NELL1: variants seen among roughly 807,000 people sequenced by gnomAD.
NELL1 encodes the protein neural EGFL like 1.
Under a neutral mutation model 107.4 loss-of-function variants are expected in NELL1, and 76 were observed. The ratio of observed to expected loss-of-function variants is 0.71; its 90% CI spans 0.59 to 0.86. The LOEUF is 0.86. NELL1 is among the 40% of genes least tolerant of loss of function. The probability of loss-of-function intolerance (pLI) is 0.00; values close to 1 mark genes in which losing one functional copy is unlikely to be tolerated. For missense variants in NELL1, 1,024 were observed against 1,005.5 expected (o/e 1.02, Z -0.25); for synonymous variants, 353 against 341.2 (o/e 1.03, Z -0.38).
intron 2 of NELL1, among the ~76,000 whole-genome samples, chr11:20,742,137 A>G (rs1168370055): frequency 6.6e-6 from 1 of 152,192 alleles, no homozygotes; most frequent in Non-Finnish European, 1.5e-5. Context: ...CTTTGCAGTA[A>G]GAAGGGCTTC....
chr11:20,703,606 T>C (rs1274248389), intron 2 of NELL1, among the ~76,000 whole-genome samples: 2 of 152,200 alleles, frequency 1.3e-5, no homozygotes, highest in Non-Finnish European at 2.9e-5. Flanking sequence ...AGGGTGTCAA[T>C]TTTAGATCTT....
chr11:20,765,381 T>C (rs1237571252), intron 2 of NELL1, among the ~76,000 whole-genome samples: 1 of 152,186 alleles, frequency 6.6e-6, no homozygotes, highest in Non-Finnish European at 1.5e-5. Context: ...CAGTACCTGC[T>C]CTTTGTGCTA....
intron 3 of NELL1, among the ~76,000 whole-genome samples, chr11:20,836,242 A>G (rs1354294709): frequency 6.6e-6 from 1 of 151,266 alleles, no homozygotes; most frequent in African/African-American, 2.4e-5. Flanking sequence ...ATGATATACC[A>G]TTACACACCA....
intron 13 of NELL1, among the ~76,000 whole-genome samples, chr11:21,221,085 T>A (rs1182193340): frequency 6.6e-6 from 1 of 152,198 alleles, no homozygotes; most frequent in Non-Finnish European, 1.5e-5. Context: ...TGAAGTGATG[T>A]TGAATTTTAC....
At chr11:21,555,477 G>T (rs1856683393) in intron 16 of NELL1, among the ~76,000 whole-genome samples, 1 of 151,766 alleles carries the variant, frequency 6.6e-6, no homozygotes, top group South Asian at 2.1e-4. Flanking sequence ...ATAAAATCTG[G>T]ATCAAGGAAA....
intron 15 of NELL1, among the ~76,000 whole-genome samples, chr11:21,461,135 A>G (rs1220820550): frequency 6.6e-6 from 1 of 152,062 alleles, no homozygotes; most frequent in Non-Finnish European, 1.5e-5. Context: ...ATTGATAACA[A>G]TCACTTATGA....
intron 14 of NELL1, among the ~76,000 whole-genome samples, chr11:21,357,857 C>T (rs1235187207): frequency 6.6e-6 from 1 of 152,136 alleles, no homozygotes; most frequent in Non-Finnish European, 1.5e-5. Flanking sequence ...TTATTCTTCT[C>T]CACATGGCCT....
intron 15 of NELL1, among the ~76,000 whole-genome samples, chr11:21,464,469 G>A (rs1284803097): frequency 6.6e-6 from 1 of 150,828 alleles, no homozygotes; most frequent in East Asian, 2.0e-4. Flanking sequence ...GGAAATAACA[G>A]TCTGTAGTTA....
Position 21,314,007 on chromosome 11 carries a change from C to G in NELL1, c.1550-56846C>G, listed in dbSNP as rs12785285. Among the ~76,000 whole-genome samples, 37 of 75,834 alleles carry G rather than the reference C, an allele frequency of 4.9e-4. 2 individuals carry two copies. The highest frequency in any genetic ancestry group is 2.3e-3 in the Admixed American group (17 of 7,286). 49.8% of individuals were successfully genotyped at this position (75,834 alleles called of 152,430 possible). On this transcript the variant is annotated intron_variant, in intron 14 of 19. Coordinates refer to ENST00000357134, the MANE Select transcript of NELL1 (RefSeq NM_006157.5). ...CCTACACTCTGCCCCCCCCCCCCCCCCCGCGACCCCCACTTGCTCCTGCTT... is the reference window on the plus strand; with the variant it reads ...CCTACACTCTGCCCCCCCCCCCCCCGCCGCGACCCCCACTTGCTCCTGCTT...
At chr11:21,087,957 G>T (rs1854433393) in intron 12 of NELL1, among the ~76,000 whole-genome samples, 2 of 152,086 alleles carry the variant, frequency 1.3e-5, no homozygotes, top group South Asian at 2.1e-4. Flanking sequence ...GCTAATCCCT[G>T]TCATAGTGCA....
chr11:21,080,332 T>C (rs577564779), intron 12 of NELL1, among the ~76,000 whole-genome samples: 238 of 152,206 alleles, frequency 1.6e-3, no homozygotes, highest in African/African-American at 5.4e-3. Context: ...AAATAATTAC[T>C]TTTCTTGTTT....
At chr11:21,371,753 C>T (rs1851362050) in intron 15 of NELL1, among the ~76,000 whole-genome samples, 1 of 152,178 alleles carries the variant, frequency 6.6e-6, no homozygotes, top group South Asian at 2.1e-4. Context: ...CTTTTCATAT[C>T]ATAGCACAGA....
intron 15 of NELL1, among the ~76,000 whole-genome samples, chr11:21,479,991 CT>C (rs1373091027): frequency 6.6e-6 from 1 of 152,088 alleles, no homozygotes; most frequent in East Asian, 1.9e-4. Context: ...CTCTACTTTC[CT>C]TTCCCTGACT....
chr11:20,761,917 G>A (rs1006956824), intron 2 of NELL1, among the ~76,000 whole-genome samples: 2 of 152,162 alleles, frequency 1.3e-5, no homozygotes, highest in South Asian at 2.1e-4. Context: ...AAAGACATAC[G>A]AGAGTCTGAA....
intron 5 of NELL1, 149 bp downstream of exon 5, chr11:20,885,689 A>G: frequency 1.7e-6 from 1 of 601,540 alleles, no homozygotes; most frequent in South Asian, 1.9e-5. Context: ...ACTTTGTGAC[A>G]CATGCTTTTT....
intron 12 of NELL1, among the ~76,000 whole-genome samples, chr11:21,101,021 G>A (rs1854794863): frequency 7.0e-6 from 1 of 143,422 alleles, no homozygotes; most frequent in Admixed American, 7.2e-5. Context: ...CCCAGTGTGC[G>A]ATGTTCCCCT....
chr11:21,430,533 C>T (rs1466591354), intron 15 of NELL1, among the ~76,000 whole-genome samples: 1 of 152,130 alleles, frequency 6.6e-6, no homozygotes, highest in African/African-American at 2.4e-5. Flanking sequence ...ACTAAGCAAA[C>T]TGGCTTTAGG....
intron 5 of NELL1, among the ~76,000 whole-genome samples, chr11:20,916,480 TATTTAACACC>T (rs978857390): frequency 5.3e-5 from 8 of 151,998 alleles, no homozygotes; most frequent in Non-Finnish European, 1.2e-4. Flanking sequence ...TTTGGAAAGG[TATTTAACACC>T]ATGACACATG....
intron 13 of NELL1, among the ~76,000 whole-genome samples, chr11:21,215,845 A>T (rs116477435): frequency 1.9e-3 from 286 of 152,306 alleles, no homozygotes; most frequent in African/African-American, 6.4e-3. Flanking sequence ...ACAATGTAAT[A>T]GAAAAGAAAA....
Sources: gnomAD v4.1 joint callset for allele counts (sites outside exome capture counted in the v4.1 genomes callset) on GRCh38, gnomAD v4.1.1 for gene constraint, MANE v1.5 for transcripts, NCBI Gene and HGNC (gene_info 2026-07-23, HGNC 2026-07-21) for gene names.